Variants in KLHL1 observed in about 807,000 individuals in gnomAD.
The protein encoded by KLHL1 is kelch-like protein 1.
Under a neutral mutation model 77.7 loss-of-function variants are expected in KLHL1, and 47 were observed. That is an observed-to-expected ratio of 0.60 (90% CI 0.48 to 0.77). KLHL1 has a LOEUF of 0.77. Ranked by LOEUF, KLHL1 falls within the 30% of genes least tolerant of loss-of-function variation. KLHL1 has a pLI of 0.00. For synonymous variants in KLHL1, 360 were observed against 325.2 expected (o/e 1.11, Z -1.15); for missense variants, 925 against 910.8 (o/e 1.02, Z -0.20).
intron 1 of KLHL1, among the ~76,000 whole-genome samples, chr13:69,995,419 C>G (rs530290829): frequency 5.8e-4 from 89 of 152,184 alleles, no homozygotes; most frequent in Non-Finnish European, 7.2e-4. Context: ...ATGTATAGAT[C>G]TTTTGTGTAG....
intron 1 of KLHL1, among the ~76,000 whole-genome samples, chr13:70,096,065 T>C (rs1887782376): frequency 2.1e-5 from 3 of 145,698 alleles, no homozygotes; most frequent in African/African-American, 8.1e-5. Flanking sequence ...ATTGCATATA[T>C]GTACCATATT....
chr13:69,997,494 C>T (rs922305985), intron 1 of KLHL1, among the ~76,000 whole-genome samples: 24 of 151,162 alleles, frequency 1.6e-4, no homozygotes, highest in South Asian at 4.2e-4. Context: ...GGGAAACCAC[C>T]GCTTTCCTCT....
intron 3 of KLHL1, among the ~76,000 whole-genome samples, chr13:69,941,619 C>T (rs1163425060): frequency 6.6e-6 from 1 of 151,762 alleles, no homozygotes; most frequent in Non-Finnish European, 1.5e-5. Flanking sequence ...CAGAGCAGAA[C>T]CAAATAAAAT....
intron 1 of KLHL1, among the ~76,000 whole-genome samples, chr13:69,980,500 T>G (rs905448204): frequency 1.3e-5 from 2 of 152,160 alleles, no homozygotes; most frequent in Non-Finnish European, 2.9e-5. Flanking sequence ...CTACACCAAA[T>G]AATTTCAGTT....
intron 2 of KLHL1, among the ~76,000 whole-genome samples, chr13:69,963,349 T>C (rs575046037): frequency 6.6e-6 from 1 of 152,340 alleles, no homozygotes; most frequent in East Asian, 1.9e-4. Flanking sequence ...ACAGTAATTA[T>C]TTCATATCAT....
chr13:69,892,280 A>C (rs2138210923), intron 4 of KLHL1, among the ~76,000 whole-genome samples: 1 of 152,300 alleles, frequency 6.6e-6, no homozygotes, highest in African/African-American at 2.4e-5. Context: ...ATTGAAAATT[A>C]AATCATGAGA....
At chr13:70,000,141 A>G (rs1391000804) in intron 1 of KLHL1, among the ~76,000 whole-genome samples, 1 of 152,004 alleles carries the variant, frequency 6.6e-6, no homozygotes, top group African/African-American at 2.4e-5. Context: ...GGTTGGTTCC[A>G]CTTGTCTTCC....
intron 1 of KLHL1, among the ~76,000 whole-genome samples, chr13:70,036,835 CTTTTTTTTT>C (rs5804467): frequency 2.0e-5 from 1 of 50,684 alleles, no homozygotes; most frequent in Non-Finnish European, 3.6e-5. Flanking sequence ...ATGCCATGGT[CTTTTTTTTT>C]TTTTTTTTTT....
At position 69,832,155 on chromosome 13, in the gene KLHL1, A is replaced by G. The variant is rs988918422; in HGVS notation, c.1414+6821T>C. Among the ~76,000 whole-genome samples, 12 of 149,894 alleles carry G rather than the reference A, an allele frequency of 8.0e-5. No individual in the cohort carries two copies. In the Admixed American group the frequency reaches 8.0e-4, roughly 10 times the overall value. The stretch of plus-strand genomic sequence containing the variant: ...ACCAAAATTGGTAAAAAGGAAGTCA[A>G]ACTGTCGCTGTTCACTGATGATATG... On this transcript the variant is annotated intron_variant, in intron 6 of 10. Transcript: ENST00000377844.
chr13:69,884,939 T>TATCTCTGCATCCAAC (rs1343426441), intron 4 of KLHL1, among the ~76,000 whole-genome samples: 9 of 3,474 alleles, frequency 2.6e-3, no homozygotes, highest in African/African-American at 5.1e-3. Flanking sequence ...CTTTTCTTTT[T>TATCTCTGCATCCAAC]TTTTTTTTTT....
At position 70,068,188 on chromosome 13, in the gene KLHL1, A is replaced by C. The variant is rs544683189; in HGVS notation, c.497+39015T>G. The stretch of plus-strand genomic sequence containing the variant: ...AAACCCATCTCTACTAAAAATACAA[A>C]AAATTGGCCGGGCGTGGTGGCGGGC... On this transcript the variant is annotated intron_variant, in intron 1 of 10. Transcript: ENST00000377844. 3.9e-5 allele frequency among the ~76,000 whole-genome samples: 6 copies of C among 151,936 alleles called. No individual in the cohort carries two copies. In the East Asian group the frequency reaches 1.2e-3, roughly 30 times the overall value.
chr13:70,085,481 C>A (rs1484896792), intron 1 of KLHL1, among the ~76,000 whole-genome samples: 5 of 152,114 alleles, frequency 3.3e-5, no homozygotes, highest in Non-Finnish European at 7.4e-5. Flanking sequence ...CAGAATAAGA[C>A]AGTGCTTATT....
At chr13:69,764,684 A>C (rs1198310321) in intron 7 of KLHL1, among the ~76,000 whole-genome samples, 1 of 152,144 alleles carries the variant, frequency 6.6e-6, no homozygotes, top group Non-Finnish European at 1.5e-5. Flanking sequence ...CCTGGCACCA[A>C]GAACATCAGC....
rs186547738 is a variant in KLHL1, at chr13:70,052,607, T to G, written c.497+54596A>C. 3.5e-3 allele frequency among the ~76,000 whole-genome samples: 530 copies of G among 152,022 alleles called. 4 individuals are homozygous for G. The highest frequency in any genetic ancestry group is 6.8e-3 in the Middle Eastern group (2 of 294). ...TTTAAGTATATTTTGAATAGCTAATTTTATGTGCCCATATTTATTAACTAT... is the reference window on the plus strand; with the variant it reads ...TTTAAGTATATTTTGAATAGCTAATGTTATGTGCCCATATTTATTAACTAT... On this transcript the variant is annotated intron_variant, in intron 1 of 10. Transcript: ENST00000377844.
chr13:69,760,081 C>T (rs999396783), intron 7 of KLHL1, among the ~76,000 whole-genome samples: 12 of 152,106 alleles, frequency 7.9e-5, no homozygotes, highest in South Asian at 4.2e-4. Context: ...ATGTCAAAAA[C>T]GTAAATTTTG....
At chr13:69,829,863 G>C (rs562141911) in intron 6 of KLHL1, among the ~76,000 whole-genome samples, 1 of 150,160 alleles carries the variant, frequency 6.7e-6, no homozygotes, top group Non-Finnish European at 1.5e-5. Context: ...CTTCATAAAT[G>C]AAGAAAAGAT....
At chr13:69,878,273 A>G (rs950952821) in intron 5 of KLHL1, among the ~76,000 whole-genome samples, 1 of 152,058 alleles carries the variant, frequency 6.6e-6, no homozygotes, top group African/African-American at 2.4e-5. Flanking sequence ...TTTGCTTTAA[A>G]TATCTTTTAA....
intron 9 of KLHL1, among the ~76,000 whole-genome samples, chr13:69,711,880 G>A (rs1290460238): frequency 6.6e-6 from 1 of 151,512 alleles, no homozygotes; most frequent in Non-Finnish European, 1.5e-5. Flanking sequence ...GCAGTATTAT[G>A]TGTATTATGT....
intron 3 of KLHL1, among the ~76,000 whole-genome samples, chr13:69,948,925 TGAA>T (rs1401672339): frequency 2.0e-5 from 3 of 151,942 alleles, no homozygotes; most frequent in Non-Finnish European, 4.4e-5. Context: ...TCTGTTAAAT[TGAA>T]GAAGAAACAA....
Sources: allele counts gnomAD v4.1 joint callset (sites outside exome capture counted in the v4.1 genomes callset), GRCh38; gene constraint gnomAD v4.1.1; transcripts MANE v1.5; gene names NCBI Gene and HGNC (gene_info 2026-07-23, HGNC 2026-07-21).